PHACTR1: variants seen among roughly 807,000 people sequenced by gnomAD.
PHACTR1 encodes phosphatase and actin regulator 1, also known as RPEL repeat containing 1.
Under a neutral mutation model 69.2 loss-of-function variants are expected in PHACTR1, and 16 were observed. The ratio of observed to expected loss-of-function variants is 0.23; its 90% CI spans 0.16 to 0.35. PHACTR1 has a LOEUF of 0.35. Among genes scored for constraint, PHACTR1 ranks in the 10% least tolerant of loss-of-function variants. The pLI is 1.00. For synonymous variants in PHACTR1, 312 were observed against 284.5 expected (o/e 1.10, Z -0.97); for missense variants, 510 against 734.7 (o/e 0.69, Z 3.54).
At chr6:12,780,973 A>G (rs1411571611) in intron 4 of PHACTR1, among the ~76,000 whole-genome samples, 1 of 152,164 alleles carries the variant, frequency 6.6e-6, no homozygotes, top group Non-Finnish European at 1.5e-5. Flanking sequence ...TTCAGCTACC[A>G]GAAGAGGCTG....
At chr6:13,038,528 C>T (rs1456323005) in intron 4 of PHACTR1, among the ~76,000 whole-genome samples, 2 of 146,052 alleles carry the variant, frequency 1.4e-5, no homozygotes, top group African/African-American at 5.0e-5. Flanking sequence ...GGCTCCTTTA[C>T]AAACTAAAAA....
intron 10 of PHACTR1, among the ~76,000 whole-genome samples, chr6:13,248,440 A>G (rs1396174360): frequency 6.6e-6 from 1 of 152,242 alleles, no homozygotes; most frequent in African/African-American, 2.4e-5. Context: ...TCTATGCATT[A>G]ATTTGTTGAT....
At chr6:12,800,443 C>T (rs1009366784) in intron 4 of PHACTR1, among the ~76,000 whole-genome samples, 4 of 152,070 alleles carry the variant, frequency 2.6e-5, no homozygotes, top group Admixed American at 2.0e-4. Flanking sequence ...TCCAGTTAAA[C>T]GAATTGATTT....
chr6:12,984,907 A>G (rs999428431), intron 4 of PHACTR1, among the ~76,000 whole-genome samples: 2 of 152,230 alleles, frequency 1.3e-5, no homozygotes, highest in African/African-American at 4.8e-5. Flanking sequence ...ATGGAAATGT[A>G]AGAACAAAAT....
At chr6:12,985,714 T>G (rs971260201) in intron 4 of PHACTR1, among the ~76,000 whole-genome samples, 14 of 151,796 alleles carry the variant, frequency 9.2e-5, no homozygotes, top group African/African-American at 3.4e-4. Context: ...AATGGTATAG[T>G]TCACAGAAAT....
intron 3 of PHACTR1, among the ~76,000 whole-genome samples, chr6:12,719,069 G>A (rs1241755169): frequency 1.3e-5 from 2 of 152,200 alleles, no homozygotes; most frequent in Non-Finnish European, 2.9e-5. Context: ...AACTTTTGGT[G>A]TAAGTGCCCC....
At chr6:13,099,839 C>T (rs773178141) in intron 5 of PHACTR1, among the ~76,000 whole-genome samples, 22 of 152,142 alleles carry the variant, frequency 1.4e-4, no homozygotes, top group Non-Finnish European at 2.6e-4. Flanking sequence ...ACAAACAAGA[C>T]ACACATTTAA....
At position 13,287,801 on chromosome 6, in the gene PHACTR1, T is replaced by G. The variant is rs1384583949; in HGVS notation, c.*723T>G. The G allele has an allele frequency of 2.6e-5, 4 of 153,350 alleles. No homozygotes were observed. Among genetic ancestry groups the G allele is most frequent in the Non-Finnish European group, 4.4e-5 (3 of 68,930 alleles). 9.5% of individuals were successfully genotyped at this position (153,350 alleles called of 1,614,324 possible). A position where few individuals can be genotyped will look rare whatever the true frequency, so the allele number is the denominator to read the frequency against. On this transcript the variant is annotated 3_prime_UTR_variant, in exon 15 of 15. Transcript: ENST00000332995. ...AAGCTCTGGTTTAGAAGGGGAAAGATGTCATATGCTCAGTTCAAATAATCA... is the reference window on the plus strand; with the variant it reads ...AAGCTCTGGTTTAGAAGGGGAAAGAGGTCATATGCTCAGTTCAAATAATCA...
At chr6:12,723,852 G>A (rs991190537) in intron 3 of PHACTR1, among the ~76,000 whole-genome samples, 4 of 152,054 alleles carry the variant, frequency 2.6e-5, no homozygotes, top group Non-Finnish European at 5.9e-5. Flanking sequence ...CCCCACACAC[G>A]GTAATCTTTT....
At chr6:12,933,973 A>G (rs1373383283) in intron 4 of PHACTR1, 1 of 1,553,306 alleles carries the variant, frequency 6.4e-7, no homozygotes, top group African/African-American at 1.4e-5. Flanking sequence ...TTGCTGTAAC[A>G]AAGTACCACA....
intron 4 of PHACTR1, among the ~76,000 whole-genome samples, chr6:12,920,994 G>A (rs1406620164): frequency 6.6e-6 from 1 of 152,222 alleles, no homozygotes; most frequent in East Asian, 1.9e-4. Flanking sequence ...ATCCTTGCTT[G>A]ATACATGAAG....
intron 5 of PHACTR1, among the ~76,000 whole-genome samples, chr6:13,120,038 A>G (rs1322660933): frequency 1.3e-5 from 2 of 152,246 alleles, no homozygotes; most frequent in East Asian, 3.9e-4. Flanking sequence ...GGGCCCATGG[A>G]CACATGGTCC....
chr6:13,033,242 T>G (rs927307225), intron 4 of PHACTR1, among the ~76,000 whole-genome samples: 4 of 152,250 alleles, frequency 2.6e-5, no homozygotes, highest in Non-Finnish European at 5.9e-5. Flanking sequence ...TTCTCATTGC[T>G]TTTTGGCAGG....
chr6:12,760,942 C>G (rs1220493986), intron 4 of PHACTR1, among the ~76,000 whole-genome samples: 5 of 152,170 alleles, frequency 3.3e-5, no homozygotes, highest in Non-Finnish European at 7.3e-5. Flanking sequence ...TCAAAACAAA[C>G]AAACAAACAA....
chr6:12,922,996 A>G (rs1183042050), intron 4 of PHACTR1, among the ~76,000 whole-genome samples: 1 of 152,244 alleles, frequency 6.6e-6, no homozygotes, highest in African/African-American at 2.4e-5. Context: ...TTTTCTACAG[A>G]CACTATGTCA....
intron 4 of PHACTR1, among the ~76,000 whole-genome samples, chr6:12,887,414 C>G (rs1393362179): frequency 1.3e-5 from 2 of 152,188 alleles, no homozygotes; most frequent in African/African-American, 4.8e-5. Flanking sequence ...TTCTTCATTT[C>G]CCCAAATCTT....
chr6:13,242,784 AG>A (rs1425905054), intron 10 of PHACTR1, among the ~76,000 whole-genome samples: 1 of 152,236 alleles, frequency 6.6e-6, no homozygotes, highest in Non-Finnish European at 1.5e-5. Context: ...TATGAGTTTA[AG>A]GTTAAATTTC....
At chr6:12,904,189 A>G (rs1358869231) in intron 4 of PHACTR1, among the ~76,000 whole-genome samples, 1 of 152,202 alleles carries the variant, frequency 6.6e-6, no homozygotes, top group Non-Finnish European at 1.5e-5. Flanking sequence ...ACTATATATA[A>G]AGGCAATAGT....
chr6:13,195,027 C>T (rs1265899048), intron 7 of PHACTR1, among the ~76,000 whole-genome samples: 1 of 152,122 alleles, frequency 6.6e-6, no homozygotes, highest in African/African-American at 2.4e-5. Context: ...TCTTGTTTCT[C>T]TCAACATCAT....
Sources: gnomAD v4.1 joint callset for allele counts (sites outside exome capture counted in the v4.1 genomes callset) on GRCh38, gnomAD v4.1.1 for gene constraint, MANE v1.5 for transcripts, NCBI Gene and HGNC (gene_info 2026-07-23, HGNC 2026-07-21) for gene names.